RRM2: variants seen among roughly 807,000 people sequenced by gnomAD.
The protein encoded by RRM2 is ribonucleotide reductase regulatory subunit M2.
Under a neutral mutation model 45.9 loss-of-function variants are expected in RRM2, and 6 were observed. That is an observed-to-expected ratio of 0.13 (90% CI 0.07 to 0.26). The LOEUF is 0.26. RRM2 is among the 10% of genes least tolerant of loss of function. The pLI, the probability that RRM2 is intolerant of heterozygous loss-of-function variation, is 1.00. For synonymous variants in RRM2, 177 were observed against 173.0 expected (o/e 1.02, Z -0.18); for missense variants, 343 against 489.5 (o/e 0.70, Z 2.82).
chr2:10,171,457 G>T lies in RRM2; in HGVS notation n.482+29082G>T, dbSNP rs1266829157. On this transcript the variant is annotated intron_variant and non_coding_transcript_variant, in intron 3 of 3. Transcript: ENST00000381786. This position sits in a 1 kb window ranked among gnomAD's most constrained non-coding sequence, Gnocchi z 4.1. ...TTCCAGGGCAGCCCCGGCCCTTCATGTCAGCTGGTGACATTTCTGCAATTG... is the reference window on the plus strand; with the variant it reads ...TTCCAGGGCAGCCCCGGCCCTTCATTTCAGCTGGTGACATTTCTGCAATTG... Among the ~76,000 whole-genome samples the T allele has an allele frequency of 6.6e-6, 1 of 152,224 alleles. No individual in the cohort carries two copies. Among genetic ancestry groups the T allele is most frequent in the Admixed American group, 6.5e-5 (1 of 15,288 alleles).
rs1664632503 is a variant in RRM2 at position 10,204,714 on chromosome 2, T to C, written n.483-5597T>C. ...GCTGACTAATTTGTTTAATTACTCA[T>C]TGCCGCATCTGTTCTCAATTGCCCT... On this transcript the variant is annotated intron_variant and non_coding_transcript_variant, in intron 3 of 3. Coordinates refer to the RRM2 transcript ENST00000381786. The surrounding 1 kb of genome is among the most constrained non-coding windows in gnomAD (Gnocchi z 4.0). 6.6e-6 allele frequency among the ~76,000 whole-genome samples: 1 copy of C among 152,244 alleles called. No homozygotes were observed. The highest frequency in any genetic ancestry group is 2.4e-5 in the African/African-American group (1 of 41,450).
chr2:10,188,718 TG>T (rs1228171623), intron 3 of RRM2, among the ~76,000 whole-genome samples: 2 of 151,870 alleles, frequency 1.3e-5, no homozygotes, highest in East Asian at 3.9e-4. Context: ...GGCCGAGGCA[TG>T]GGGGGCATTT....
intron 3 of RRM2, among the ~76,000 whole-genome samples, chr2:10,175,025 C>T (rs528050920): frequency 3.1e-4 from 47 of 152,310 alleles, no homozygotes; most frequent in South Asian, 1.9e-3. Context: ...ATGCTGCTGT[C>T]GTCCTTCTAT....
At position 10,127,692 on chromosome 2, in the gene RRM2, T is replaced by G. The variant is rs1321706507; in HGVS notation, c.798+472T>G. On this transcript the variant is annotated intron_variant, in intron 7 of 9. Coordinates refer to ENST00000304567, the MANE Select transcript of RRM2 (RefSeq NM_001034.4). The surrounding 1 kb of genome is among the most constrained non-coding windows in gnomAD (Gnocchi z 4.1). ...TTTCACCATGTTTGCCAGACTGGGGTTGAACTCCTGACCTCAGGTGATCAG... is the reference window on the plus strand; with the variant it reads ...TTTCACCATGTTTGCCAGACTGGGGGTGAACTCCTGACCTCAGGTGATCAG... 6.6e-6 allele frequency among the ~76,000 whole-genome samples: 1 copy of G among 151,712 alleles called. No homozygotes were observed. The highest frequency in any genetic ancestry group is 1.5e-5 in the Non-Finnish European group (1 of 67,918).
At chr2:10,209,596 C>T (rs983389407) in intron 3 of RRM2, among the ~76,000 whole-genome samples, 10 of 130,396 alleles carry the variant, frequency 7.7e-5, no homozygotes, top group Admixed American at 8.7e-5. Flanking sequence ...TGTGTGCGCG[C>T]GCGTGTGTGT....
chr2:10,176,487 C>A (rs1217537972), intron 3 of RRM2, among the ~76,000 whole-genome samples: 2 of 152,164 alleles, frequency 1.3e-5, no homozygotes, highest in Non-Finnish European at 2.9e-5. Context: ...AGGCTGGTCT[C>A]GAACTCCCAA....
rs1461374648 is a variant in RRM2, at chr2:10,127,796, T to C, written c.798+576T>C. ...CATGCCCAGCCAAAACTACAAGTTATTGATGGGATTGGGATTTTAAGGGAT... is the reference window on the plus strand; with the variant it reads ...CATGCCCAGCCAAAACTACAAGTTACTGATGGGATTGGGATTTTAAGGGAT... On this transcript the variant is annotated intron_variant, in intron 7 of 9. Transcript: ENST00000304567. The surrounding 1 kb of genome is among the most constrained non-coding windows in gnomAD (Gnocchi z 4.1). Among the ~76,000 whole-genome samples the C allele has an allele frequency of 2.0e-5, 3 of 152,006 alleles. No homozygotes were observed. Among genetic ancestry groups the C allele is most frequent in the South Asian group, 4.2e-4 (2 of 4,810 alleles).
In RRM2 at chr2:10,185,792, C is replaced by T. The variant is rs908984964; in HGVS notation, n.483-24519C>T. On this transcript the variant is annotated intron_variant and non_coding_transcript_variant, in intron 3 of 3. Transcript: ENST00000381786. This position sits in a 1 kb window ranked among gnomAD's most constrained non-coding sequence, Gnocchi z 4.3. ...CTCCCCTCTCTGTTCTCCCCAGTCT[C>T]CCCTAAACTCCAAATCTCTACTCTG... Among the ~76,000 whole-genome samples the T allele has an allele frequency of 6.6e-6, 1 of 152,042 alleles. No homozygotes were observed. The highest frequency in any genetic ancestry group is 1.5e-5 in the Non-Finnish European group (1 of 68,004).
intron 3 of RRM2, among the ~76,000 whole-genome samples, chr2:10,182,726 G>A (rs1228127758): frequency 6.6e-6 from 1 of 152,234 alleles, no homozygotes; most frequent in Non-Finnish European, 1.5e-5. Context: ...TCAGTGGTTT[G>A]AAGCAAATGG....
At chr2:10,202,210 G>GA (rs912700569) in intron 3 of RRM2, among the ~76,000 whole-genome samples, 8 of 150,710 alleles carry the variant, frequency 5.3e-5, no homozygotes, top group African/African-American at 1.5e-4. Context: ...TTATCCAACT[G>GA]AAAAAAAAAT....
intron 3 of RRM2, among the ~76,000 whole-genome samples, chr2:10,192,017 G>A (rs1664316582): frequency 6.6e-6 from 1 of 152,288 alleles, no homozygotes; most frequent in East Asian, 1.9e-4. Context: ...ATCTCCTGAG[G>A]ATTTCATGGA....
chr2:10,147,391 T>C (rs887680375), intron 3 of RRM2, among the ~76,000 whole-genome samples: 2 of 152,042 alleles, frequency 1.3e-5, no homozygotes, highest in African/African-American at 4.8e-5. Flanking sequence ...CAAGTGATCC[T>C]CCCACCTCAT....
At chr2:10,209,092 A>C in intron 3 of RRM2, among the ~76,000 whole-genome samples, 1 of 121,968 alleles carries the variant, frequency 8.2e-6, no homozygotes, top group South Asian at 2.5e-4. Context: ...GTCTTATTCC[A>C]TCGACCAGGG....
intron 3 of RRM2, among the ~76,000 whole-genome samples, chr2:10,164,467 C>T (rs965661116): frequency 5.9e-5 from 9 of 152,174 alleles, no homozygotes; most frequent in East Asian, 1.9e-4. Flanking sequence ...GTCACTGTAA[C>T]GACCAATGAA....
intron 3 of RRM2, among the ~76,000 whole-genome samples, chr2:10,170,416 G>A (rs75530164): frequency 4.6e-5 from 7 of 152,246 alleles, no homozygotes; most frequent in Middle Eastern, 3.4e-3. Context: ...TCCCTGGCTC[G>A]TGGGCGCTGG....
Position 10,167,384 on chromosome 2 carries a change from C to G in RRM2, n.482+25009C>G, listed in dbSNP as rs114879100. On this transcript the variant is annotated intron_variant and non_coding_transcript_variant, in intron 3 of 3. Coordinates refer to the RRM2 transcript ENST00000381786. ...CTCTTGAATGCCCTGCTGCTGAGGTCTCACTGCTCGGCTTGGACTCGCCTC... is the reference window on the plus strand; with the variant it reads ...CTCTTGAATGCCCTGCTGCTGAGGTGTCACTGCTCGGCTTGGACTCGCCTC... Among the ~76,000 whole-genome samples, 897 of 152,324 alleles carry G rather than the reference C, an allele frequency of 5.9e-3. 9 individuals carry two copies. The highest frequency in any genetic ancestry group is 0.02 in the African/African-American group (847 of 41,582).
At chr2:10,122,935 A>G (rs1324683337) in intron 1 of RRM2, 38 bp downstream of exon 1, 11 of 1,549,456 alleles carry the variant, frequency 7.1e-6, no homozygotes, top group Non-Finnish European at 9.6e-6. Context: ...CAGGGGAGGG[A>G]GGCAGGGAAA....
chr2:10,122,771 G>T lies in RRM2; in HGVS notation c.-28G>T. ...CTGTCCCAGCCGTCCTGTCCTGGCTGCTCGCTCTGCTTCGCTGCGCCTCCA... is the reference window on the plus strand; with the variant it reads ...CTGTCCCAGCCGTCCTGTCCTGGCTTCTCGCTCTGCTTCGCTGCGCCTCCA... On this transcript the variant is annotated 5_prime_UTR_variant, in exon 1 of 10. Coordinates refer to ENST00000304567, the MANE Select transcript of RRM2 (RefSeq NM_001034.4). The T allele has an allele frequency of 6.4e-7, 1 of 1,566,196 alleles. No homozygotes were observed. The highest frequency in any genetic ancestry group is 8.7e-7 in the Non-Finnish European group (1 of 1,156,040).
intron 3 of RRM2, among the ~76,000 whole-genome samples, chr2:10,178,978 A>G (rs979432451): frequency 6.6e-6 from 1 of 152,198 alleles, no homozygotes; most frequent in Non-Finnish European, 1.5e-5. Context: ...TGGACTTCCC[A>G]GCCTCCAGAG....
Sources: gnomAD v4.1 joint callset for allele counts (sites outside exome capture counted in the v4.1 genomes callset) on GRCh38, gnomAD v4.1.1 for gene constraint, Gnocchi (gnomAD v3.1) non-coding constraint, MANE v1.5 for transcripts, NCBI Gene and HGNC (gene_info 2026-07-23, HGNC 2026-07-21) for gene names.